CAPN1: variants seen among roughly 807,000 people sequenced by gnomAD.
CAPN1 encodes the protein calpain-1 catalytic subunit.
A neutral mutation model predicts 105.2 loss-of-function variants in CAPN1; 77 were observed. The ratio of observed to expected loss-of-function variants is 0.73; its 90% CI spans 0.61 to 0.88. The LOEUF (loss-of-function observed/expected upper bound fraction) is 0.88, where lower values mean the gene tolerates loss of function less well. Among genes scored for constraint, CAPN1 ranks in the 40% least tolerant of loss-of-function variants. The pLI is 0.00. For synonymous variants in CAPN1, 355 were observed against 388.8 expected (o/e 0.91, Z 1.02); for missense variants, 833 against 976.6 (o/e 0.85, Z 1.96).
At chr11:65,189,765 T>C (rs1319926552) in intron 10 of CAPN1, among the ~76,000 whole-genome samples, 1 of 152,180 alleles carries the variant, frequency 6.6e-6, no homozygotes, top group Non-Finnish European at 1.5e-5. Context: ...CGATGCCATA[T>C]TTTCCCTGTA....
chr11:65,203,904 G>A (rs1029702229), intron 10 of CAPN1, among the ~76,000 whole-genome samples: 1 of 152,016 alleles, frequency 6.6e-6, no homozygotes, highest in African/African-American at 2.4e-5. Context: ...TCAATGGAGG[G>A]CAGGGGATGC....
In CAPN1 at chr11:65,204,878, G is replaced by A. The variant is rs770981436; in HGVS notation, c.1341+20G>A. ...TACGAGGTCAGGAGGGTGGATCACC[G>A]GTGGATCTCACTGAGCAGGCAGAGG... On this transcript the variant is annotated intron_variant, in intron 11 of 21. Coordinates refer to ENST00000279247, the MANE Select transcript of CAPN1 (RefSeq NM_005186.4). 12 of 1,591,434 alleles carry A rather than the reference G, an allele frequency of 7.5e-6. No individual in the cohort carries two copies. The Admixed American group carries it at 1.0e-4, about 13-fold the overall frequency.
chr11:65,202,646 T>G (rs2137374371), intron 10 of CAPN1, among the ~76,000 whole-genome samples: 1 of 152,138 alleles, frequency 6.6e-6, no homozygotes, highest in African/African-American at 2.4e-5. Context: ...TTTCACCACG[T>G]TGGCCAGGCT....
intron 10 of CAPN1, among the ~76,000 whole-genome samples, chr11:65,200,932 CTTTTTTTTTT>C (rs56897147): frequency 6.1e-5 from 3 of 49,456 alleles, no homozygotes; most frequent in East Asian, 6.6e-4. Flanking sequence ...CCATGCCTGG[CTTTTTTTTTT>C]TTTTTTTTTT....
At chr11:65,182,591 C>T (rs766442599) in intron 1 of CAPN1, 110 bp from the exon 2 acceptor site, 2 of 1,239,942 alleles carry the variant, frequency 1.6e-6, no homozygotes, top group East Asian at 2.6e-5. Flanking sequence ...CAGGGAAACC[C>T]TAGGTTTGGG....
At chr11:65,206,098 C>T in intron 12 of CAPN1, 1 of 506,686 alleles carries the variant, frequency 2.0e-6, no homozygotes, top group South Asian at 2.5e-5. Context: ...AGCTCCGAGC[C>T]TGTGTTTGTG....
rs757425566 is a variant in CAPN1, at chr11:65,209,994, C to G, written c.1864-24C>G. ...GAAGGGCCGGGTGACTCAGCCTGGC[C>G]CTCACCCTCTGCCGCCACCTCAGTC... is the stretch of plus-strand genomic sequence containing the variant. On this transcript the variant is annotated intron_variant, in intron 18 of 21. Coordinates refer to ENST00000279247, the MANE Select transcript of CAPN1 (RefSeq NM_005186.4). The surrounding 1 kb of genome is among the most constrained non-coding windows in gnomAD (Gnocchi z 4.1). 7 of 1,612,824 alleles carry G rather than the reference C, an allele frequency of 4.3e-6. No individual in the cohort carries two copies. Among genetic ancestry groups the G allele is most frequent in the Non-Finnish European group, 5.1e-6 (6 of 1,179,454 alleles).
chr11:65,186,376 A>C lies in CAPN1; in HGVS notation c.759+38A>C, dbSNP rs375934530. 3.8e-6 allele frequency: 6 copies of C among 1,570,370 alleles called. No homozygotes were observed. In the African/African-American group the frequency reaches 8.1e-5, roughly 21 times the overall value. On this transcript the variant is annotated intron_variant, in intron 6 of 21. Transcript: ENST00000279247. ...GGCCCCGATGCTTTGGTACCCTGGA[A>C]CCCTGGTATCCTGACCTGTCACATT...
At chr11:65,199,083 C>T in intron 10 of CAPN1, among the ~76,000 whole-genome samples, 1 of 152,234 alleles carries the variant, frequency 6.6e-6, no homozygotes, top group East Asian at 1.9e-4. Flanking sequence ...GATCCACCCT[C>T]CTCAGCCTCC....
chr11:65,190,153 C>T lies in CAPN1; in HGVS notation c.1165+1407C>T, dbSNP rs575259447. 5.3e-5 allele frequency among the ~76,000 whole-genome samples: 8 copies of T among 152,336 alleles called. No individual in the cohort carries two copies. In the East Asian group the frequency reaches 1.5e-3, roughly 29 times the overall value. ...TTACGGAGAGTCCTCTGTCTTAACA[C>T]AAAGCAACCCTCTCGACCCCACTTC... On this transcript the variant is annotated intron_variant, in intron 10 of 21. Transcript: ENST00000279247.
chr11:65,210,385 G>T lies in CAPN1; in HGVS notation c.1992G>T (p.Ser664=). ...KLYELIITRY[S]EPDLAVDFDN... Reference sequence around the variant, plus strand: ...ACGAGCTCATCATCACCCGCTACTCGGAGCCCGACCTGGCGGTCGACTTTG... The same window carrying T: ...ACGAGCTCATCATCACCCGCTACTCTGAGCCCGACCTGGCGGTCGACTTTG... Residue 664 remains serine, a synonymous_variant, in exon 20 of 22, where the codon TCG becomes TCT. Transcript: ENST00000279247. The surrounding 1 kb of genome is among the most constrained non-coding windows in gnomAD (Gnocchi z 4.3). 1 of 1,613,452 alleles carries T rather than the reference G, an allele frequency of 6.2e-7. No individual in the cohort carries two copies. Among genetic ancestry groups the T allele is most frequent in the Non-Finnish European group, 8.5e-7 (1 of 1,179,774 alleles).
intron 12 of CAPN1, 58 bp from the exon 13 acceptor site, chr11:65,206,405 C>T: frequency 7.2e-7 from 1 of 1,387,670 alleles, no homozygotes; most frequent in East Asian, 2.3e-5. Flanking sequence ...CTGGGGGTGG[C>T]CCCTGAGGGT....
At chr11:65,196,851 A>AG (rs1019415143) in intron 10 of CAPN1, among the ~76,000 whole-genome samples, 1 of 152,218 alleles carries the variant, frequency 6.6e-6, no homozygotes, top group Non-Finnish European at 1.5e-5. Context: ...GCTATGGCTC[A>AG]GTGTATGATG....
chr11:65,181,393 C>G, upstream of CAPN1: 1 of 261,084 alleles, frequency 3.8e-6, no homozygotes. The surrounding 1 kb of genome is among the most constrained non-coding windows in gnomAD (Gnocchi z 4.6). Flanking sequence ...CTCCTCAGAG[C>G]AGCTGCCGCA....
At position 65,210,739 on chromosome 11, in the gene CAPN1, A is replaced by AG. The variant is rs958036253; in HGVS notation, c.2060-70dup. 4 of 1,194,026 alleles carry AG rather than the reference A, an allele frequency of 3.4e-6. No individual in the cohort carries two copies. The highest frequency in any genetic ancestry group is 1.7e-5 in the Admixed American group (1 of 59,398). The allele number at this position is 1,194,026 out of a possible 1,614,324, so 74.0% of individuals were successfully genotyped here. On this transcript the variant is annotated intron_variant, in intron 20 of 21. Transcript: ENST00000279247. This position sits in a 1 kb window ranked among gnomAD's most constrained non-coding sequence, Gnocchi z 4.3. Reference sequence around the variant, plus strand: ...GGAGGTAGAGAGGGACCAGGCAGGAAGGGGGCCAGGCCTGGCCCTGCGTGA... The same window carrying AG: ...GGAGGTAGAGAGGGACCAGGCAGGAAGGGGGGCCAGGCCTGGCCCTGCGTGA...
intron 7 of CAPN1, chr11:65,187,521 C>T (rs1052867859): frequency 1.7e-6 from 1 of 582,678 alleles, no homozygotes; most frequent in African/African-American, 1.9e-5. Flanking sequence ...CTGTGAATTC[C>T]AAGAGGACAG....
At chr11:65,200,279 G>A (rs1027393884) in intron 10 of CAPN1, among the ~76,000 whole-genome samples, 7 of 151,922 alleles carry the variant, frequency 4.6e-5, no homozygotes, top group Non-Finnish European at 5.9e-5. Flanking sequence ...GGACTCATGC[G>A]ATCTGTCTGC....
At chr11:65,206,696 G>C (rs748730710) in intron 13 of CAPN1, 22 bp downstream of exon 13, 1 of 1,611,416 alleles carries the variant, frequency 6.2e-7, no homozygotes, top group East Asian at 2.2e-5. Context: ...ACTGGCCCCT[G>C]CCACTCTCCC....
At chr11:65,205,883 A>C in intron 12 of CAPN1, 162 bp downstream of exon 12, 1 of 687,182 alleles carries the variant, frequency 1.5e-6, no homozygotes. Flanking sequence ...CAGAGCAAAC[A>C]TTGCTCTCCT....
Sources: gnomAD v4.1 joint callset for allele counts (sites outside exome capture counted in the v4.1 genomes callset) on GRCh38, gnomAD v4.1.1 for gene constraint, Gnocchi (gnomAD v3.1) non-coding constraint, MANE v1.5 for transcripts, NCBI Gene and HGNC (gene_info 2026-07-23, HGNC 2026-07-21) for gene names.